The following DOCK2 variants were observed in gnomAD, a reference collection of about 807,000 sequenced individuals.
The protein encoded by DOCK2 is dedicator of cytokinesis 2, also known as dedicator of cytokinesis protein 2.
A neutral mutation model predicts 248.9 loss-of-function variants in DOCK2; 87 were observed. That is an observed-to-expected ratio of 0.35 (90% CI 0.29 to 0.42). The LOEUF (loss-of-function observed/expected upper bound fraction) is 0.42. Ranked by LOEUF, DOCK2 falls within the 10% of genes least tolerant of loss-of-function variation. The pLI, the probability that DOCK2 is intolerant of heterozygous loss-of-function variation, is 1.00. For missense variants in DOCK2, 1,747 were observed against 2,300.2 expected, an observed-to-expected ratio of 0.76 and a Z score of 4.92; for synonymous variants, 805 against 821.6, an observed-to-expected ratio of 0.98 and a Z score of 0.35.
chr5:169,658,351 G>T (rs1031616420), intron 2 of DOCK2, among the ~76,000 whole-genome samples: 5 of 151,722 alleles, frequency 3.3e-5, no homozygotes, highest in Non-Finnish European at 5.9e-5. Context: ...GTGGTGGCAG[G>T]TGCCTGTAGT....
chr5:169,963,754 C>A (rs1013639601), intron 27 of DOCK2, among the ~76,000 whole-genome samples: 9 of 152,132 alleles, frequency 5.9e-5, no homozygotes, highest in Admixed American at 3.3e-4. Flanking sequence ...CTTCCTTCCC[C>A]CTAGCATCAT....
At chr5:170,056,520 T>G in intron 42 of DOCK2, 164 bp from the exon 43 acceptor site, 2 of 570,086 alleles carry the variant, frequency 3.5e-6, no homozygotes, top group Non-Finnish European at 6.2e-6. Flanking sequence ...CAAAAGTCAC[T>G]CTTACGGAGC....
intron 2 of DOCK2, among the ~76,000 whole-genome samples, chr5:169,667,122 G>T (rs1758779804): frequency 6.6e-6 from 1 of 152,200 alleles, no homozygotes. Context: ...TGCAGATGTG[G>T]ACATGAGCTT....
chr5:169,748,711 A>G (rs964855383), intron 23 of DOCK2, among the ~76,000 whole-genome samples: 1 of 152,246 alleles, frequency 6.6e-6, no homozygotes, highest in Non-Finnish European at 1.5e-5. Context: ...CAAGGTTAGG[A>G]ACATAAATAC....
chr5:169,920,112 A>T (rs1316360183), intron 27 of DOCK2, among the ~76,000 whole-genome samples: 1 of 152,128 alleles, frequency 6.6e-6, no homozygotes, highest in African/African-American at 2.4e-5. Flanking sequence ...ACACCAAGAG[A>T]TTGGCTTTTT....
At chr5:169,954,475 A>G (rs1776786302) in intron 27 of DOCK2, among the ~76,000 whole-genome samples, 1 of 152,228 alleles carries the variant, frequency 6.6e-6, no homozygotes, top group African/African-American at 2.4e-5. Flanking sequence ...CAATAGATGA[A>G]GGCAGTCAGG....
intron 27 of DOCK2, among the ~76,000 whole-genome samples, chr5:169,927,700 T>C (rs1462037908): frequency 6.6e-6 from 1 of 152,234 alleles, no homozygotes; most frequent in Non-Finnish European, 1.5e-5. Context: ...CACTGCAAGC[T>C]CCGCTTCCCG....
intron 27 of DOCK2, among the ~76,000 whole-genome samples, chr5:169,930,312 A>G (rs1055093604): frequency 1.3e-5 from 2 of 152,214 alleles, no homozygotes; most frequent in Non-Finnish European, 1.5e-5. Flanking sequence ...AAATAACCAC[A>G]TATGGGTGAT....
chr5:169,888,092 C>A (rs1258266370), intron 27 of DOCK2, among the ~76,000 whole-genome samples: 1 of 152,174 alleles, frequency 6.6e-6, no homozygotes, highest in African/African-American at 2.4e-5. Flanking sequence ...TGGAAACTCT[C>A]GTATTTTTAG....
In DOCK2 at chr5:169,764,504, T is replaced by C. The variant is rs1764657085; in HGVS notation, c.2554+2879T>C. 6.6e-6 allele frequency among the ~76,000 whole-genome samples: 1 copy of C among 152,198 alleles called. No individual in the cohort carries two copies. The highest frequency in any genetic ancestry group is 6.5e-5 in the Admixed American group (1 of 15,290). On this transcript the variant is annotated intron_variant, in intron 25 of 51. Transcript: ENST00000520908. The surrounding 1 kb of genome is among the most constrained non-coding windows in gnomAD (Gnocchi z 4.3). ...ACCTCTCTGATTCTCAGTAAGCTCA[T>C]CTGGAAAGTGGGAATAAGAACAATA...
intron 40 of DOCK2, among the ~76,000 whole-genome samples, chr5:170,048,252 C>T (rs1049390117): frequency 6.6e-6 from 1 of 151,780 alleles, no homozygotes; most frequent in African/African-American, 2.4e-5. Flanking sequence ...ATTAGCTGGG[C>T]GTGGTGATGC....
At chr5:169,681,629 TTCTA>T in intron 6 of DOCK2, 111 bp from the exon 7 acceptor site, 5 of 1,293,060 alleles carry the variant, frequency 3.9e-6, no homozygotes, top group South Asian at 3.1e-5. Flanking sequence ...TGTAGAGCTC[TTCTA>T]TGTGACTATA....
intron 27 of DOCK2, among the ~76,000 whole-genome samples, chr5:169,869,167 C>T (rs560043246): frequency 8.9e-4 from 136 of 152,338 alleles, no homozygotes; most frequent in Non-Finnish European, 1.3e-3. Context: ...TTCAGCTCTT[C>T]AGTAGCTGCG....
At chr5:170,023,834 A>T (rs1755812799) in intron 33 of DOCK2, among the ~76,000 whole-genome samples, 1 of 152,168 alleles carries the variant, frequency 6.6e-6, no homozygotes, top group East Asian at 1.9e-4. Flanking sequence ...TTCCCATGTC[A>T]ATGTCAGCAC....
chr5:169,702,185 T>C, intron 13 of DOCK2, 118 bp from the exon 14 acceptor site: 1 of 1,301,286 alleles, frequency 7.7e-7, no homozygotes, highest in Non-Finnish European at 1.0e-6. Flanking sequence ...AATTCTGATT[T>C]TAATTAATAC....
intron 9 of DOCK2, among the ~76,000 whole-genome samples, chr5:169,694,270 G>C (rs1233133673): frequency 2.0e-5 from 3 of 152,256 alleles, no homozygotes; most frequent in African/African-American, 7.2e-5. Context: ...AGAATAAACT[G>C]TTCCCTTTTG....
At chr5:169,964,578 A>G (rs1227984196) in intron 27 of DOCK2, among the ~76,000 whole-genome samples, 1 of 152,220 alleles carries the variant, frequency 6.6e-6, no homozygotes, top group African/African-American at 2.4e-5. Flanking sequence ...CACTTTTCTC[A>G]GTGCCCAGAG....
In DOCK2 at chr5:169,714,216, T is replaced by A. The variant is rs1326184115; in HGVS notation, c.1843+5T>A. 1 of 1,604,828 alleles carries A rather than the reference T, an allele frequency of 6.2e-7. No homozygotes were observed. Among genetic ancestry groups the A allele is most frequent in the East Asian group, 2.2e-5 (1 of 44,672 alleles). On this transcript the variant is annotated splice_donor_5th_base_variant and intron_variant, in intron 18 of 51. Coordinates refer to ENST00000520908, the MANE Select transcript of DOCK2 (RefSeq NM_004946.3). ...CCACAAAGCTCACTCAGAATGGTAA[T>A]CGGGTCATCAAGAGTTGTGTCTGTG...
intron 2 of DOCK2, among the ~76,000 whole-genome samples, chr5:169,663,309 G>A (rs1016134003): frequency 6.6e-6 from 1 of 152,208 alleles, no homozygotes; most frequent in African/African-American, 2.4e-5. Flanking sequence ...TCACAAGCTG[G>A]TATTGAGTAC....
Sources: allele counts gnomAD v4.1 joint callset (sites outside exome capture counted in the v4.1 genomes callset), GRCh38; gene constraint gnomAD v4.1.1; non-coding constraint Gnocchi (gnomAD v3.1); transcripts MANE v1.5; gene names NCBI Gene and HGNC (gene_info 2026-07-23, HGNC 2026-07-21).